The following ERCC8 variants were observed in gnomAD, a reference collection of about 807,000 sequenced individuals.
The protein encoded by ERCC8 is ERCC excision repair 8, CSA ubiquitin ligase complex subunit, also known as DNA excision repair protein ERCC-8.
A neutral mutation model predicts 54.9 loss-of-function variants in ERCC8; 52 were observed. The ratio of observed to expected loss-of-function variants is 0.95; its 90% CI spans 0.76 to 1.19. ERCC8 has a LOEUF of 1.19. ERCC8 is among the 50% of genes most tolerant of loss of function. The probability of loss-of-function intolerance (pLI) is 0.00; values close to 1 mark genes in which losing one functional copy is unlikely to be tolerated. For synonymous variants in ERCC8, 146 were observed against 157.2 expected, an observed-to-expected ratio of 0.93 and a Z score of 0.53; for missense variants, 514 against 466.1, an observed-to-expected ratio of 1.10 and a Z score of -0.95.
At chr5:60,892,123 C>T in intron 9 of ERCC8, 1 of 512,898 alleles carries the variant, frequency 1.9e-6, no homozygotes. Context: ...GTCCACTGGG[C>T]ACACATCCAC....
intron 9 of ERCC8, among the ~76,000 whole-genome samples, chr5:60,896,909 A>G (rs1394953198): frequency 6.6e-6 from 1 of 152,120 alleles, no homozygotes; most frequent in Non-Finnish European, 1.5e-5. Context: ...TTCCAGAGTG[A>G]TCCTGTCACT....
At chr5:60,881,664 G>T (rs766753800) in intron 11 of ERCC8, among the ~76,000 whole-genome samples, 1 of 152,218 alleles carries the variant, frequency 6.6e-6, no homozygotes, top group African/African-American at 2.4e-5. Flanking sequence ...CGAGCCAGGC[G>T]CAGGATATAA....
At chr5:60,878,948 T>C (rs80168913) in intron 11 of ERCC8, among the ~76,000 whole-genome samples, 29,743 of 152,172 alleles carry the variant, frequency 0.2, 3,535 homozygotes, top group Non-Finnish European at 0.27. Flanking sequence ...CTAGTTCTTT[T>C]AATTGTGATG....
chr5:60,879,964 T>A (rs955287437), intron 11 of ERCC8, among the ~76,000 whole-genome samples: 2 of 152,216 alleles, frequency 1.3e-5, no homozygotes, highest in African/African-American at 4.8e-5. Context: ...CTAGCCTTGA[T>A]GGTCTTTACA....
chr5:60,881,353 T>C (rs1474901585), intron 11 of ERCC8, among the ~76,000 whole-genome samples: 1 of 152,182 alleles, frequency 6.6e-6, no homozygotes, highest in Non-Finnish European at 1.5e-5. Context: ...GATCTCCAGC[T>C]GCGTGCTGGG....
intron 1 of ERCC8, among the ~76,000 whole-genome samples, chr5:60,941,385 G>A (rs935763084): frequency 7.9e-5 from 12 of 151,976 alleles, no homozygotes; most frequent in African/African-American, 2.2e-4. Flanking sequence ...ACAATATAGA[G>A]GAAAAAAGAT....
chr5:60,898,024 G>A (rs556287819), intron 9 of ERCC8, among the ~76,000 whole-genome samples: 17 of 152,032 alleles, frequency 1.1e-4, no homozygotes, highest in African/African-American at 3.9e-4. Flanking sequence ...TCTCTACTAC[G>A]CTTTGCACTC....
intron 4 of ERCC8, among the ~76,000 whole-genome samples, chr5:60,910,297 T>A (rs1240359560): frequency 6.6e-6 from 1 of 152,190 alleles, no homozygotes; most frequent in Non-Finnish European, 1.5e-5. Flanking sequence ...TATAACTTTA[T>A]AGCAAGTCTT....
At chr5:60,906,055 A>G (rs897514220) in intron 4 of ERCC8, among the ~76,000 whole-genome samples, 5 of 152,236 alleles carry the variant, frequency 3.3e-5, no homozygotes, top group South Asian at 2.1e-4. Flanking sequence ...AGATATCTCA[A>G]AAGGCCAATC....
chr5:60,899,792 C>A (rs4647120), intron 7 of ERCC8, 65 bp from the exon 8 acceptor site: 34,827 of 1,181,860 alleles, frequency 0.029, 662 homozygotes, highest in Middle Eastern at 0.057. Context: ...CCTCACCCAC[C>A]TTTCTAATTT....
intron 1 of ERCC8, among the ~76,000 whole-genome samples, chr5:60,929,365 G>A (rs1392107552): frequency 6.6e-6 from 1 of 152,244 alleles, no homozygotes. Flanking sequence ...GGAGGCTGAG[G>A]TGAGAAGACT....
rs1471123103 is a variant in ERCC8, at chr5:60,866,563, T to C, written c.*8052A>G. On this transcript the variant is annotated 3_prime_UTR_variant, in exon 12 of 12. Coordinates refer to ENST00000676185, the MANE Select transcript of ERCC8 (RefSeq NM_000082.4). ...CTTGCAAAATCAAATAGGTAATCAA[T>C]GATGGCTCCATAATAATTCACATGG... 6.6e-6 allele frequency: 1 copy of C among 152,212 alleles called. No individual in the cohort carries two copies. The highest frequency in any genetic ancestry group is 1.5e-5 in the Non-Finnish European group (1 of 68,044). 9.4% of individuals were successfully genotyped at this position (152,212 alleles called of 1,614,324 possible). A position where few individuals can be genotyped will look rare whatever the true frequency, so the allele number is the denominator to read the frequency against.
At position 60,871,420 on chromosome 5, in the gene ERCC8, T is replaced by C. The variant is rs1487735909; in HGVS notation, c.*3195A>G. On this transcript the variant is annotated 3_prime_UTR_variant, in exon 12 of 12. Coordinates refer to ENST00000676185, the MANE Select transcript of ERCC8 (RefSeq NM_000082.4). ...TCCCCTATATGTCTGCATAGATATA[T>C]ATAGGATTGCAATATGAAAGAACAC... Among the ~76,000 whole-genome samples, 3 of 152,178 alleles carry C rather than the reference T, an allele frequency of 2.0e-5. No homozygotes were observed. Among genetic ancestry groups the C allele is most frequent in the Non-Finnish European group, 4.4e-5 (3 of 68,034 alleles).
At position 60,891,022 on chromosome 5, in the gene ERCC8, C is replaced by A; in HGVS notation, c.908G>T (p.Cys303Phe). The change falls in exon 10 of 12, where the codon TGC (cysteine) becomes TTC (phenylalanine). Residue 303 changes from cysteine (C) to phenylalanine (F), a missense_variant. Cys to Phe is a radical substitution (Grantham distance 205). Transcript: ENST00000676185. ...KGLKFTVSCG[C>F]SSEFVFVPYG... ...TGGTACAAAAACAAATTCTGAACTG[C>A]AGCCACAGGAGACAGTGAATTTCAA... is the stretch of plus-strand genomic sequence containing the variant. The A allele has an allele frequency of 6.2e-7, 1 of 1,613,396 alleles. No individual in the cohort carries two copies. Among genetic ancestry groups the A allele is most frequent in the East Asian group, 2.2e-5 (1 of 44,788 alleles).
intron 1 of ERCC8, among the ~76,000 whole-genome samples, chr5:60,943,974 C>T (rs980171176): frequency 6.6e-6 from 1 of 152,174 alleles, no homozygotes; most frequent in African/African-American, 2.4e-5. Flanking sequence ...CTCCAGAACG[C>T]AGAACTCATA....
intron 9 of ERCC8, among the ~76,000 whole-genome samples, chr5:60,891,634 G>A (rs745866167): frequency 6.9e-6 from 1 of 145,828 alleles, no homozygotes; most frequent in Non-Finnish European, 1.5e-5. Context: ...TGGGGAGGGG[G>A]TAATGATATT....
intron 9 of ERCC8, chr5:60,892,458 G>C: frequency 1.8e-6 from 1 of 562,064 alleles, no homozygotes; most frequent in Non-Finnish European, 3.5e-6. Context: ...CAGAGTGTGA[G>C]TGGGTGGTGG....
intron 11 of ERCC8, among the ~76,000 whole-genome samples, chr5:60,885,440 C>T (rs995079694): frequency 1.3e-5 from 2 of 152,030 alleles, no homozygotes. Flanking sequence ...TGTTATATTT[C>T]CTAACATGGC....
At chr5:60,929,477 T>C (rs1231561050) in intron 1 of ERCC8, among the ~76,000 whole-genome samples, 1 of 152,098 alleles carries the variant, frequency 6.6e-6, no homozygotes, top group Non-Finnish European at 1.5e-5. Flanking sequence ...TGGGCTCCTA[T>C]GCAGGAGACT....
Sources: gnomAD v4.1 joint callset for allele counts (sites outside exome capture counted in the v4.1 genomes callset) on GRCh38, gnomAD v4.1.1 for gene constraint, MANE v1.5 for transcripts, NCBI Gene and HGNC (gene_info 2026-07-23, HGNC 2026-07-21) for gene names.